The following STK3 variants were observed in gnomAD, a reference collection of about 807,000 sequenced individuals.
STK3 encodes the protein serine/threonine kinase 3.
STK3 carries 41 observed loss-of-function variants against 58.0 expected under a neutral mutation model. The ratio of observed to expected loss-of-function variants is 0.71; its 90% CI spans 0.55 to 0.92. The LOEUF is 0.92. STK3 is among the 40% of genes least tolerant of loss of function. The probability of loss-of-function intolerance (pLI) is 0.00; values close to 1 mark genes in which losing one functional copy is unlikely to be tolerated. For missense variants in STK3, 479 were observed against 602.7 expected, an observed-to-expected ratio of 0.79 and a Z score of 2.15; for synonymous variants, 170 against 191.0, an observed-to-expected ratio of 0.89 and a Z score of 0.91.
chr8:98,359,027 TGG>T, the STK3 span, among the ~76,000 whole-genome samples: 1 of 152,130 alleles, frequency 6.6e-6, no homozygotes, highest in South Asian at 2.1e-4. Context: ...AAGAAAGAGC[TGG>T]GGAAATGGTA....
At chr8:98,541,997 C>T (rs1810313084) in intron 9 of STK3, among the ~76,000 whole-genome samples, 1 of 152,172 alleles carries the variant, frequency 6.6e-6, no homozygotes, top group African/African-American at 2.4e-5. Flanking sequence ...TGTCTATATA[C>T]TGGTTTCATC....
At chr8:98,587,749 C>CAG (rs1174861507) in intron 7 of STK3, among the ~76,000 whole-genome samples, 25 of 152,036 alleles carry the variant, frequency 1.6e-4, no homozygotes, top group Non-Finnish European at 3.7e-4. Context: ...CTTTGTAGGT[C>CAG]TCTAAGGACT....
chr8:98,350,306 A>G, the STK3 span, among the ~76,000 whole-genome samples: 1 of 152,072 alleles, frequency 6.6e-6, no homozygotes, highest in Admixed American at 6.5e-5. Context: ...CCTTATCTCC[A>G]TCTGAGACCA....
downstream of STK3, among the ~76,000 whole-genome samples, chr8:98,366,541 A>T (rs1026385475): frequency 9.9e-5 from 15 of 152,142 alleles, no homozygotes; most frequent in African/African-American, 3.6e-4. Context: ...TGAGGTAGGG[A>T]TCTAATGTTT....
intron 4 of STK3, among the ~76,000 whole-genome samples, chr8:98,715,638 G>A (rs530426141): frequency 3.9e-5 from 6 of 152,276 alleles, no homozygotes; most frequent in South Asian, 4.1e-4. Flanking sequence ...AACAACAAGC[G>A]CTGGAGAGGA....
At chr8:98,433,153 T>C (rs1818366893) in intron 3 of STK3, among the ~76,000 whole-genome samples, 1 of 152,168 alleles carries the variant, frequency 6.6e-6, no homozygotes, top group Non-Finnish European at 1.5e-5. Context: ...CCTAGTTTTC[T>C]AGGATCTCGA....
chr8:98,690,758 G>A (rs1824346112), intron 6 of STK3, among the ~76,000 whole-genome samples: 1 of 152,094 alleles, frequency 6.6e-6, no homozygotes, highest in Non-Finnish European at 1.5e-5. Flanking sequence ...TAAGCAAAAA[G>A]AACAAAGCCA....
chr8:98,693,502 C>T (rs557120788), intron 6 of STK3, among the ~76,000 whole-genome samples: 2 of 152,210 alleles, frequency 1.3e-5, no homozygotes, highest in East Asian at 1.9e-4. Flanking sequence ...AACAGGATTG[C>T]AGGCAGCCAC....
At chr8:98,888,466 T>C (rs564924147) in intron 1 of STK3, among the ~76,000 whole-genome samples, 3 of 152,284 alleles carry the variant, frequency 2.0e-5, no homozygotes, top group African/African-American at 7.2e-5. Flanking sequence ...ACCTGATTTA[T>C]AGGGCCAAGG....
At chr8:98,864,197 C>CAAAAAA (rs35196007) in intron 3 of STK3, among the ~76,000 whole-genome samples, 1 of 37,446 alleles carries the variant, frequency 2.7e-5, no homozygotes, top group African/African-American at 1.3e-4. Flanking sequence ...GACTCCTTCT[C>CAAAAAA]AAAAAAAAAA....
the STK3 span, among the ~76,000 whole-genome samples, chr8:98,354,458 TA>T: frequency 6.6e-6 from 1 of 152,130 alleles, no homozygotes; most frequent in East Asian, 1.9e-4. Context: ...ATGAGACGTT[TA>T]AAGGGAAGGC....
rs139258791 is a variant in STK3, at chr8:98,403,852, C to A, written n.484-2339G>T. Among the ~76,000 whole-genome samples the A allele has an allele frequency of 4.5e-3, 681 of 152,360 alleles. 5 individuals are homozygous for A. Among genetic ancestry groups the A allele is most frequent in the Non-Finnish European group, 7.2e-3 (492 of 68,018 alleles). ...AGTGCCAAGGGGATATGGTGGGGCA[C>A]CCTCAGCCTCTGCTACCACCACCTC... On this transcript the variant is annotated intron_variant and non_coding_transcript_variant, in intron 3 of 3. Coordinates refer to the STK3 transcript ENST00000517832.
intron 4 of STK3, among the ~76,000 whole-genome samples, chr8:98,717,367 G>T (rs960778732): frequency 6.6e-6 from 1 of 152,048 alleles, no homozygotes; most frequent in African/African-American, 2.4e-5. Context: ...TAAAGGACTC[G>T]TATGGACATT....
At chr8:98,785,700 G>A (rs1191805629) in intron 1 of STK3, among the ~76,000 whole-genome samples, 2 of 152,108 alleles carry the variant, frequency 1.3e-5, no homozygotes, top group Non-Finnish European at 2.9e-5. Flanking sequence ...TTACCCATAA[G>A]CTTATAGGCC....
intron 1 of STK3, among the ~76,000 whole-genome samples, chr8:98,884,976 T>C (rs191669194): frequency 6.8e-4 from 103 of 152,358 alleles, no homozygotes; most frequent in African/African-American, 2.3e-3. Context: ...TGCAATACCA[T>C]CTTCCAGGTT....
chr8:98,706,367 T>C, intron 6 of STK3, 100 bp downstream of exon 6: 1 of 1,233,982 alleles, frequency 8.1e-7, no homozygotes, highest in Non-Finnish European at 1.1e-6. Context: ...AAAGAATACA[T>C]TTAAATGAAC....
intron 1 of STK3, among the ~76,000 whole-genome samples, chr8:98,918,420 A>T (rs898247010): frequency 6.6e-6 from 1 of 152,228 alleles, no homozygotes; most frequent in African/African-American, 2.4e-5. Context: ...CTCTCTGCTG[A>T]GATCCAGAAC....
intron 9 of STK3, among the ~76,000 whole-genome samples, chr8:98,532,735 A>T (rs944078906): frequency 2.6e-5 from 4 of 152,146 alleles, no homozygotes; most frequent in Non-Finnish European, 4.4e-5. Context: ...CAATAAAAAA[A>T]ATTTTTTTAA....
intron 4 of STK3, among the ~76,000 whole-genome samples, chr8:98,710,914 A>G (rs1826366555): frequency 6.6e-6 from 1 of 152,180 alleles, no homozygotes. Context: ...GACACCTCAC[A>G]CAGCCCGGTA....
Sources: allele counts gnomAD v4.1 joint callset (sites outside exome capture counted in the v4.1 genomes callset), GRCh38; gene constraint gnomAD v4.1.1; transcripts MANE v1.5; gene names NCBI Gene and HGNC (gene_info 2026-07-23, HGNC 2026-07-21).